Variants in MRPL3 observed in about 807,000 individuals in gnomAD.
The protein encoded by MRPL3 is mitochondrial ribosomal protein L3.
Under a neutral mutation model 44.3 loss-of-function variants are expected in MRPL3, and 43 were observed. The observed-to-expected ratio is 0.97, with a 90% CI of 0.76 to 1.25. The LOEUF (loss-of-function observed/expected upper bound fraction) is 1.25, where lower values mean the gene tolerates loss of function less well. Ranked by LOEUF, MRPL3 falls within the 50% of genes most tolerant of loss-of-function variation. MRPL3 has a pLI of 0.00. For missense variants in MRPL3, 406 were observed against 427.6 expected (o/e 0.95, Z 0.45); for synonymous variants, 171 against 152.3 (o/e 1.12, Z -0.91).
chr3:131,463,408 G>A lies in MRPL3; in HGVS notation c.895-533C>T, dbSNP rs73870976. 2.1e-3 allele frequency among the ~76,000 whole-genome samples: 317 copies of A among 150,580 alleles called. 3 individuals are homozygous for A. Among genetic ancestry groups the A allele is most frequent in the African/African-American group, 5.9e-3 (243 of 41,122 alleles). On this transcript the variant is annotated intron_variant, in intron 9 of 9. Transcript: ENST00000264995. ...AAAAAAAAAAAAGTCCTGTATTGACGGAAAATTTAAAGTTAATTCTTCAGC... is the reference window on the plus strand; with the variant it reads ...AAAAAAAAAAAAGTCCTGTATTGACAGAAAATTTAAAGTTAATTCTTCAGC...
At chr3:131,477,784 A>G (rs1331379200) in intron 6 of MRPL3, among the ~76,000 whole-genome samples, 1 of 152,212 alleles carries the variant, frequency 6.6e-6, no homozygotes, top group Non-Finnish European at 1.5e-5. Flanking sequence ...AAAATTTAGT[A>G]ATTTCTTAAC....
chr3:131,492,461 C>T (rs1197448476), intron 4 of MRPL3, among the ~76,000 whole-genome samples: 2 of 152,130 alleles, frequency 1.3e-5, no homozygotes, highest in Non-Finnish European at 1.5e-5. Context: ...TGAAACTGTT[C>T]CACCTCAGAT....
chr3:131,485,254 T>A (rs1285700542), intron 6 of MRPL3, among the ~76,000 whole-genome samples: 1 of 152,170 alleles, frequency 6.6e-6, no homozygotes, highest in African/African-American at 2.4e-5. Flanking sequence ...GCATATGAGA[T>A]GAAAGCATTC....
intron 6 of MRPL3, chr3:131,479,000 T>C (rs1933917097): frequency 5.3e-6 from 2 of 379,172 alleles, no homozygotes; most frequent in Admixed American, 3.3e-5. Context: ...GCCCAAAATA[T>C]TTGATTTTTA....
At chr3:131,494,766 T>C (rs2110713168) in intron 4 of MRPL3, among the ~76,000 whole-genome samples, 1 of 152,320 alleles carries the variant, frequency 6.6e-6, no homozygotes, top group East Asian at 1.9e-4. Flanking sequence ...AATGCTCAAG[T>C]AGAGTTAAAA....
chr3:131,469,687 A>C lies in MRPL3; in HGVS notation c.816+9T>G. ...GCTGTTCCTAAAAAGAACCACTTGT[A>C]ACACTTACTTTCAGTCCATATTCTG... On this transcript the variant is annotated intron_variant, in intron 8 of 9. Coordinates refer to ENST00000264995, the MANE Select transcript of MRPL3 (RefSeq NM_007208.4). 6.3e-7 allele frequency: 1 copy of C among 1,599,822 alleles called. No homozygotes were observed.
chr3:131,502,655 A>G (rs962452860), intron 1 of MRPL3, 75 bp downstream of exon 1: 107 of 1,254,710 alleles, frequency 8.5e-5, no homozygotes, highest in Non-Finnish European at 8.7e-5. Flanking sequence ...CACCCAGGGG[A>G]GGCCCAACTG....
rs180692952 is a variant in MRPL3, at chr3:131,480,517, C to G, written c.629+7163G>C. On this transcript the variant is annotated intron_variant, in intron 6 of 9. Transcript: ENST00000264995. ...CAATAACTGGGAACATTTTTATCAA[C>G]AAGAGTGCAAGGAGTGCACTGCTTA... Among the ~76,000 whole-genome samples, 134 of 152,262 alleles carry G rather than the reference C, an allele frequency of 8.8e-4. 1 individual carries two copies. The highest frequency in any genetic ancestry group is 1.4e-3 in the Non-Finnish European group (96 of 68,018).
chr3:131,464,854 G>C (rs1933565622), intron 9 of MRPL3, among the ~76,000 whole-genome samples: 1 of 152,180 alleles, frequency 6.6e-6, no homozygotes, highest in Non-Finnish European at 1.5e-5. Context: ...CAAGAAGTGA[G>C]TGGATGTTAA....
intron 1 of MRPL3, 183 bp from the exon 2 acceptor site, chr3:131,501,898 C>A: frequency 6.5e-7 from 1 of 1,537,632 alleles, no homozygotes; most frequent in African/African-American, 1.4e-5. Flanking sequence ...TCGGATAAGG[C>A]TCACATTTAA....
At chr3:131,487,521 T>C (rs1048267823) in intron 6 of MRPL3, 159 bp downstream of exon 6, 2 of 627,816 alleles carry the variant, frequency 3.2e-6, no homozygotes. Flanking sequence ...TTGGCACAAT[T>C]TAAAAACCAG....
chr3:131,488,564 A>G (rs1050713742), intron 5 of MRPL3: 2 of 152,150 alleles, frequency 1.3e-5, no homozygotes, highest in Admixed American at 6.5e-5. Flanking sequence ...ATATAAGAAT[A>G]TAAGACATGG....
At position 131,502,827 on chromosome 3, in the gene MRPL3, A is replaced by G; in HGVS notation, c.-6T>C. The G allele has an allele frequency of 6.2e-7, 1 of 1,611,552 alleles. No individual in the cohort carries two copies. Among genetic ancestry groups the G allele is most frequent in the East Asian group, 2.2e-5 (1 of 44,824 alleles). ...AGCAGCCTCCAACCCGGCATGGATT[A>G]GCCCGGGAAGACTCGACTCACGACT... On this transcript the variant is annotated 5_prime_UTR_variant, in exon 1 of 10. Transcript: ENST00000264995.
intron 6 of MRPL3, among the ~76,000 whole-genome samples, chr3:131,485,583 T>C (rs532887690): frequency 3.4e-4 from 51 of 151,776 alleles, no homozygotes; most frequent in Admixed American, 2.3e-3. Context: ...CAAAACAGAG[T>C]TACCAAGGAA....
intron 6 of MRPL3, among the ~76,000 whole-genome samples, chr3:131,477,206 G>A (rs959960071): frequency 7.2e-5 from 11 of 152,114 alleles, no homozygotes; most frequent in African/African-American, 2.7e-4. Context: ...GGGATAAAAC[G>A]AAATGTCCAT....
At chr3:131,483,202 A>G (rs1423070053) in intron 6 of MRPL3, among the ~76,000 whole-genome samples, 3 of 152,194 alleles carry the variant, frequency 2.0e-5, no homozygotes, top group Non-Finnish European at 2.9e-5. Context: ...ACAATGGAAT[A>G]TAATTGCTAC....
intron 6 of MRPL3, among the ~76,000 whole-genome samples, chr3:131,472,231 A>G (rs1047150184): frequency 6.6e-6 from 1 of 152,204 alleles, no homozygotes; most frequent in African/African-American, 2.4e-5. Context: ...ATCTTAGAAG[A>G]TATCAGAAGG....
chr3:131,496,878 G>A (rs75273545), intron 4 of MRPL3, among the ~76,000 whole-genome samples: 1,908 of 152,324 alleles, frequency 0.013, 29 homozygotes, highest in Middle Eastern at 0.02. Flanking sequence ...ACACTACCTT[G>A]ATAGCTGCAG....
intron 2 of MRPL3, among the ~76,000 whole-genome samples, chr3:131,500,907 G>T (rs1195261593): frequency 6.6e-6 from 1 of 152,128 alleles, no homozygotes; most frequent in African/African-American, 2.4e-5. Context: ...GTTAGCTGAG[G>T]CTATAGAGAT....
Sources: gnomAD v4.1 joint callset for allele counts (sites outside exome capture counted in the v4.1 genomes callset) on GRCh38, gnomAD v4.1.1 for gene constraint, MANE v1.5 for transcripts, NCBI Gene and HGNC (gene_info 2026-07-23, HGNC 2026-07-21) for gene names.